SLC45A1: variants seen among roughly 807,000 people sequenced by gnomAD.
The protein encoded by SLC45A1 is proton-associated sugar transporter A.
Under a neutral mutation model 57.6 loss-of-function variants are expected in SLC45A1, and 28 were observed. That is an observed-to-expected ratio of 0.49 (90% CI 0.36 to 0.67). SLC45A1 has a LOEUF of 0.67. SLC45A1 is among the 30% of genes least tolerant of loss of function. The pLI, the probability that SLC45A1 is intolerant of heterozygous loss-of-function variation, is 0.00. For missense variants in SLC45A1, 814 were observed against 1,041.5 expected, an observed-to-expected ratio of 0.78 and a Z score of 3.01; for synonymous variants, 459 against 471.5, an observed-to-expected ratio of 0.97 and a Z score of 0.34.
chr1:8,321,587 A>T (rs1300839233), intron 1 of SLC45A1, among the ~76,000 whole-genome samples: 2 of 152,122 alleles, frequency 1.3e-5, no homozygotes, highest in African/African-American at 4.8e-5. Context: ...TGTGTCTTTT[A>T]TCTCTCTTAT....
rs57414432 is a variant in SLC45A1 at position 8,320,692 on chromosome 1, TACACACACACACAC to T, written c.-25+2535_-25+2548del. 2.0e-4 allele frequency among the ~76,000 whole-genome samples: 20 copies of T among 101,316 alleles called. No individual in the cohort carries two copies. The South Asian group carries it at 5.3e-3, about 27-fold the overall frequency. The allele number at this position is 101,316 out of a possible 152,430, so 66.5% of individuals were successfully genotyped here. A position where few individuals can be genotyped will look rare whatever the true frequency, so the allele number is the denominator to read the frequency against. ...CTCTCTCTCTGTTTCTCTCTCTCTC[TACACACACACACAC>T]ACACACACACACACACACACACACA... On this transcript the variant is annotated intron_variant, in intron 1 of 8. Transcript: ENST00000471889.
At position 8,330,791 on chromosome 1, in the gene SLC45A1, A is replaced by C; in HGVS notation, c.1298A>C (p.Asp433Ala). Residue 433 changes from aspartate (D) to alanine (A), a missense_variant, in exon 5 of 9, where the codon GAC becomes GCC. Asp to Ala is a moderately radical substitution (Grantham distance 126, BLOSUM62 -2). Coordinates refer to ENST00000471889, the MANE Select transcript of SLC45A1 (RefSeq NM_001080397.3). This position sits in a 1 kb window ranked among gnomAD's most constrained non-coding sequence, Gnocchi z 8.4. Reference sequence around the variant, plus strand: ...GCCCTGACCTCCGGCTGTGACGGGGACATTCTGAGGGTGGGCTCCTTGGAC... The same window carrying C: ...GCCCTGACCTCCGGCTGTGACGGGGCCATTCTGAGGGTGGGCTCCTTGGAC... ...EGALTSGCDG[D>A]ILRVGSLDTS... The C allele has an allele frequency of 1.2e-6, 2 of 1,613,406 alleles. No individual in the cohort carries two copies. The highest frequency in any genetic ancestry group is 1.7e-6 in the Non-Finnish European group (2 of 1,180,022).
In SLC45A1 at chr1:8,327,103, G is replaced by C. The variant is rs1037216090; in HGVS notation, c.715+1061G>C. ...GCACCCTTGGAAGCACAGGCGTTGT[G>C]CTGTTCTGTGCAAATCCTTGAATGA... On this transcript the variant is annotated intron_variant, in intron 4 of 8. Transcript: ENST00000471889. The surrounding 1 kb of genome is among the most constrained non-coding windows in gnomAD (Gnocchi z 4.3). 2.0e-5 allele frequency among the ~76,000 whole-genome samples: 3 copies of C among 152,244 alleles called. No homozygotes were observed. The highest frequency in any genetic ancestry group is 2.9e-5 in the Non-Finnish European group (2 of 68,044).
Position 8,343,712 on chromosome 1 carries a change from CGT to C in SLC45A1, c.1981-32_1981-31del. The stretch of plus-strand genomic sequence containing the variant: ...CTCGGTCACCCCGTGCTGGCCGCGG[CGT>C]GTCTCGCTGACACGTTTCTTCCTCT... On this transcript the variant is annotated intron_variant, in intron 8 of 8. Coordinates refer to ENST00000471889, the MANE Select transcript of SLC45A1 (RefSeq NM_001080397.3). The surrounding 1 kb of genome is among the most constrained non-coding windows in gnomAD (Gnocchi z 7.7). The C allele has an allele frequency of 6.3e-7, 1 of 1,585,430 alleles. No homozygotes were observed. The highest frequency in any genetic ancestry group is 8.6e-7 in the Non-Finnish European group (1 of 1,160,998).
rs1336026662 is a variant in SLC45A1, at chr1:8,335,243, G to C, written c.1444-194G>C. Among the ~76,000 whole-genome samples the C allele has an allele frequency of 6.6e-6, 1 of 152,198 alleles. No homozygotes were observed. Among genetic ancestry groups the C allele is most frequent in the Admixed American group, 6.5e-5 (1 of 15,278 alleles). On this transcript the variant is annotated intron_variant, in intron 5 of 8. Coordinates refer to ENST00000471889, the MANE Select transcript of SLC45A1 (RefSeq NM_001080397.3). The surrounding 1 kb of genome is among the most constrained non-coding windows in gnomAD (Gnocchi z 4.1). Reference sequence around the variant, plus strand: ...GAATTCTAGCCTTAGCTGCTCCGGGGCCTCGGAAACAATGCCCTGAATTTG... The same window carrying C: ...GAATTCTAGCCTTAGCTGCTCCGGGCCCTCGGAAACAATGCCCTGAATTTG...
rs954526723 is a variant in SLC45A1, at chr1:8,343,659, G to T, written c.1981-88G>T. On this transcript the variant is annotated intron_variant, in intron 8 of 8. Transcript: ENST00000471889. The surrounding 1 kb of genome is among the most constrained non-coding windows in gnomAD (Gnocchi z 7.7). The stretch of plus-strand genomic sequence containing the variant: ...AGGCCGCTGTGTGTGGGCCGCTCGG[G>T]CCTCCTGGGCTCGCAGGACACACCG... The T allele has an allele frequency of 8.1e-6, 12 of 1,479,804 alleles. No homozygotes were observed. The African/African-American group carries it at 1.4e-4, about 17-fold the overall frequency. 91.7% of individuals were successfully genotyped at this position (1,479,804 alleles called of 1,614,324 possible). A position where few individuals can be genotyped will look rare whatever the true frequency, so the allele number is the denominator to read the frequency against.
chr1:8,336,984 G>C (rs544318052), intron 6 of SLC45A1, among the ~76,000 whole-genome samples: 1 of 152,132 alleles, frequency 6.6e-6, no homozygotes, highest in Non-Finnish European at 1.5e-5. Context: ...CTTGCCTCAT[G>C]TTTATAGAAA....
Position 8,343,637 on chromosome 1 carries a change from CCG to C in SLC45A1, c.1981-108_1981-107del, listed in dbSNP as rs1442129779. On this transcript the variant is annotated intron_variant, in intron 8 of 8. Transcript: ENST00000471889. This position sits in a 1 kb window ranked among gnomAD's most constrained non-coding sequence, Gnocchi z 7.7. ...CATGTTGGCGCTGAAAAATGTGAGGCCGCTGTGTGTGGGCCGCTCGGGCCTCC... is the reference window on the plus strand; with the variant it reads ...CATGTTGGCGCTGAAAAATGTGAGGCCTGTGTGTGGGCCGCTCGGGCCTCC... 8.3e-7 allele frequency: 1 copy of C among 1,207,916 alleles called. No homozygotes were observed. The highest frequency in any genetic ancestry group is 2.4e-5 in the East Asian group (1 of 42,238). The allele number at this position is 1,207,916 out of a possible 1,614,324, so 74.8% of individuals were successfully genotyped here.
chr1:8,319,819 C>T (rs1325354592), intron 1 of SLC45A1, among the ~76,000 whole-genome samples: 4 of 152,048 alleles, frequency 2.6e-5, no homozygotes, highest in Admixed American at 1.3e-4. Context: ...TGGGTTCAAG[C>T]GATTCTCCTG....
At chr1:8,337,203 G>T (rs1189382233) in intron 6 of SLC45A1, among the ~76,000 whole-genome samples, 1 of 152,196 alleles carries the variant, frequency 6.6e-6, no homozygotes, top group African/African-American at 2.4e-5. Context: ...AGGCAAGAGG[G>T]CATGTGCAGG....
At chr1:8,339,427 C>T in intron 7 of SLC45A1, 66 bp from the exon 8 acceptor site, 1 of 1,514,170 alleles carries the variant, frequency 6.6e-7, no homozygotes, top group African/African-American at 1.4e-5. Context: ...CGGGAGGTGG[C>T]ACTGGAAGCT....
At chr1:8,318,417 A>G (rs1218614818) in intron 1 of SLC45A1, among the ~76,000 whole-genome samples, 1 of 152,354 alleles carries the variant, frequency 6.6e-6, no homozygotes, top group South Asian at 2.1e-4. Flanking sequence ...GCCAGATGGC[A>G]GGTGCTCTCA....
chr1:8,321,350 A>G (rs1640004049), intron 1 of SLC45A1, among the ~76,000 whole-genome samples: 3 of 152,166 alleles, frequency 2.0e-5, no homozygotes, highest in African/African-American at 4.8e-5. Flanking sequence ...TAGAAGTGAC[A>G]GGAGACTCTG....
rs374584269 is a variant in SLC45A1, at chr1:8,326,013, G to A, written c.686G>A (p.Arg229Gln). ...GTGTGCAGCCCCGCAGACCAGGACC[G>A]AGGCCTGAACATCCACGCCCTCCTG... ...MDVCSPADQDRGLNIHALLAG... is the reference protein window; with the variant it reads ...MDVCSPADQDQGLNIHALLAG... The change falls in exon 4 of 9, where the codon CGA becomes CAA. Residue 229 changes from arginine (R) to glutamine (Q), a missense_variant. Coordinates refer to ENST00000471889, the MANE Select transcript of SLC45A1 (RefSeq NM_001080397.3). This position sits in a 1 kb window ranked among gnomAD's most constrained non-coding sequence, Gnocchi z 5.5. The A allele has an allele frequency of 5.6e-6, 9 of 1,606,468 alleles. No homozygotes were observed. Among genetic ancestry groups the A allele is most frequent in the Middle Eastern group, 1.7e-4 (1 of 6,052 alleles).
chr1:8,320,804 G>C (rs1015697947), intron 1 of SLC45A1, among the ~76,000 whole-genome samples: 2 of 152,004 alleles, frequency 1.3e-5, no homozygotes, highest in Non-Finnish European at 2.9e-5. Context: ...AATTTAAAGG[G>C]AAGGTTTCTA....
At chr1:8,337,692 A>C in intron 6 of SLC45A1, 124 bp from the exon 7 acceptor site, 1 of 858,552 alleles carries the variant, frequency 1.2e-6, no homozygotes, top group Non-Finnish European at 1.8e-6. Context: ...TGCTGGGATT[A>C]CAGGCGTGAG....
rs1254642438 is a variant in SLC45A1, at chr1:8,328,397, C to T, written c.716-1812C>T. Among the ~76,000 whole-genome samples the T allele has an allele frequency of 1.3e-5, 2 of 152,214 alleles. No individual in the cohort carries two copies. The highest frequency in any genetic ancestry group is 4.8e-5 in the African/African-American group (2 of 41,448). ...GTTGCCGCTTCTCTTCCTCTTTCCA[C>T]ACGTGCGCTGCTGTGGGCGAGGGAA... On this transcript the variant is annotated intron_variant, in intron 4 of 8. Coordinates refer to ENST00000471889, the MANE Select transcript of SLC45A1 (RefSeq NM_001080397.3). This position sits in a 1 kb window ranked among gnomAD's most constrained non-coding sequence, Gnocchi z 4.6.
intron 8 of SLC45A1, among the ~76,000 whole-genome samples, chr1:8,340,118 A>G (rs1298551190): frequency 6.6e-6 from 1 of 151,972 alleles, no homozygotes; most frequent in Admixed American, 6.6e-5. Context: ...TAAAAATCAG[A>G]ATTCTTGCCA....
intron 8 of SLC45A1, among the ~76,000 whole-genome samples, chr1:8,341,500 A>T (rs1251134615): frequency 1.4e-5 from 2 of 147,912 alleles, no homozygotes; most frequent in Non-Finnish European, 3.0e-5. Context: ...GCACCACTGC[A>T]CTCCAGCCTG....
Sources: allele counts gnomAD v4.1 joint callset (sites outside exome capture counted in the v4.1 genomes callset), GRCh38; gene constraint gnomAD v4.1.1; non-coding constraint Gnocchi (gnomAD v3.1); transcripts MANE v1.5; gene names NCBI Gene and HGNC (gene_info 2026-07-23, HGNC 2026-07-21).